PCDH15: variants seen among roughly 807,000 people sequenced by gnomAD.
The protein encoded by PCDH15 is protocadherin-15.
PCDH15 carries 129 observed loss-of-function variants against 178.5 expected under a neutral mutation model. The ratio of observed to expected loss-of-function variants is 0.72; its 90% CI spans 0.63 to 0.84. The LOEUF is 0.84. Among genes scored for constraint, PCDH15 ranks in the 40% least tolerant of loss-of-function variants. The pLI is 0.00. For missense variants in PCDH15, 2,230 were observed against 2,099.9 expected, an observed-to-expected ratio of 1.06 and a Z score of -1.21; for synonymous variants, 800 against 732.0, an observed-to-expected ratio of 1.09 and a Z score of -1.50.
At chr10:55,033,337 A>C (rs1840657224) in intron 2 of PCDH15, among the ~76,000 whole-genome samples, 1 of 152,110 alleles carries the variant, frequency 6.6e-6, no homozygotes, top group African/African-American at 2.4e-5. Context: ...ATGAGAGCTG[A>C]AGGGAGCTGT....
At chr10:54,540,699 C>T (rs61853602) in intron 2 of PCDH15, among the ~76,000 whole-genome samples, 13,803 of 152,068 alleles carry the variant, frequency 0.091, 667 homozygotes, top group Non-Finnish European at 0.11. Flanking sequence ...GTTAAAGACA[C>T]AAGGAACAAA....
At chr10:54,855,904 T>C (rs1953733374) in intron 3 of PCDH15, among the ~76,000 whole-genome samples, 1 of 152,152 alleles carries the variant, frequency 6.6e-6, no homozygotes, top group Non-Finnish European at 1.5e-5. Flanking sequence ...TATGCTTGGT[T>C]TAGATACATT....
At chr10:54,281,762 T>A (rs2132733581) in intron 8 of PCDH15, among the ~76,000 whole-genome samples, 1 of 152,126 alleles carries the variant, frequency 6.6e-6, no homozygotes, top group African/African-American at 2.4e-5. Flanking sequence ...TAAAAGAGAC[T>A]AATAAATATG....
At chr10:55,608,268 G>A (rs996889580) in intron 2 of PCDH15, among the ~76,000 whole-genome samples, 2 of 150,988 alleles carry the variant, frequency 1.3e-5, no homozygotes, top group Non-Finnish European at 3.0e-5. Flanking sequence ...GGAAGAGACA[G>A]GGAAGAGATA....
At chr10:55,514,900 T>C (rs540262460) in intron 2 of PCDH15, among the ~76,000 whole-genome samples, 8 of 151,606 alleles carry the variant, frequency 5.3e-5, no homozygotes, top group African/African-American at 9.7e-5. Flanking sequence ...AGGTGGACAA[T>C]AGGACTGACA....
chr10:55,491,183 G>A (rs753590236), intron 2 of PCDH15, among the ~76,000 whole-genome samples: 3 of 151,606 alleles, frequency 2.0e-5, no homozygotes, highest in Admixed American at 6.6e-5. Context: ...TTACAGGAAC[G>A]TGTGGTCAAG....
chr10:53,948,246 TG>T (rs1458241849), intron 23 of PCDH15, among the ~76,000 whole-genome samples: 1 of 151,888 alleles, frequency 6.6e-6, no homozygotes, highest in Non-Finnish European at 1.5e-5. Flanking sequence ...ATAAATTATA[TG>T]GTCTTACCTA....
intron 2 of PCDH15, among the ~76,000 whole-genome samples, chr10:55,434,072 C>CTTTTT (rs1316162910): frequency 1.2e-5 from 1 of 84,008 alleles, no homozygotes; most frequent in African/African-American, 5.4e-5. Flanking sequence ...TTTTTCTTTT[C>CTTTTT]TTTTCTTTTT....
At chr10:55,467,046 T>C (rs928838613) in intron 2 of PCDH15, among the ~76,000 whole-genome samples, 1 of 152,202 alleles carries the variant, frequency 6.6e-6, no homozygotes, top group East Asian at 1.9e-4. Flanking sequence ...TGCTCAAGTT[T>C]AGTTATTTAT....
intron 6 of PCDH15, among the ~76,000 whole-genome samples, chr10:54,341,391 G>A (rs1478727571): frequency 6.6e-6 from 1 of 152,148 alleles, no homozygotes; most frequent in African/African-American, 2.4e-5. Flanking sequence ...CCTGCTGCAT[G>A]TAAGATACAC....
intron 1 of PCDH15, among the ~76,000 whole-genome samples, chr10:55,293,740 C>T (rs1018100348): frequency 6.6e-6 from 1 of 152,208 alleles, no homozygotes; most frequent in Non-Finnish European, 1.5e-5. Context: ...TCATCTTCAT[C>T]TGTGACCACT....
intron 2 of PCDH15, among the ~76,000 whole-genome samples, chr10:55,474,196 A>C (rs1328578751): frequency 6.6e-6 from 1 of 152,196 alleles, no homozygotes; most frequent in African/African-American, 2.4e-5. Flanking sequence ...AACTATAAGA[A>C]ATATATAGGA....
intron 3 of PCDH15, among the ~76,000 whole-genome samples, chr10:54,474,995 C>T (rs12763909): frequency 1.3e-5 from 2 of 151,890 alleles, no homozygotes; most frequent in African/African-American, 4.8e-5. Flanking sequence ...TTAGCCTATT[C>T]TGATATGTTT....
chr10:55,375,740 C>T (rs925763233), intron 2 of PCDH15, among the ~76,000 whole-genome samples: 4 of 152,086 alleles, frequency 2.6e-5, no homozygotes, highest in Admixed American at 6.6e-5. Flanking sequence ...TGTTCACTTG[C>T]TTAATAAGCC....
In PCDH15 at chr10:53,919,453, A is replaced by C. The variant is rs190998099; in HGVS notation, c.3374-16083T>G. Among the ~76,000 whole-genome samples, 7 of 152,320 alleles carry C rather than the reference A, an allele frequency of 4.6e-5. No individual in the cohort carries two copies. The East Asian group carries it at 1.3e-3, about 29-fold the overall frequency. ...GACAGAAAGCTTTAATGGTAATACTAATCACTGAGAAGTTTCTGGACCAAG... is the reference window on the plus strand; with the variant it reads ...GACAGAAAGCTTTAATGGTAATACTCATCACTGAGAAGTTTCTGGACCAAG... On this transcript the variant is annotated intron_variant, in intron 25 of 37. Coordinates refer to ENST00000644397, the MANE Select transcript of PCDH15 (RefSeq NM_001384140.1).
At chr10:55,179,902 G>A (rs1354935108) in intron 1 of PCDH15, among the ~76,000 whole-genome samples, 8 of 152,050 alleles carry the variant, frequency 5.3e-5, no homozygotes, top group African/African-American at 1.9e-4. Flanking sequence ...ACCTGCAACA[G>A]TAGCAGTAAG....
intron 3 of PCDH15, among the ~76,000 whole-genome samples, chr10:54,486,530 G>C (rs1469083952): frequency 6.6e-6 from 1 of 151,830 alleles, no homozygotes; most frequent in African/African-American, 2.4e-5. Flanking sequence ...GAGGCTACTA[G>C]TTATTCCCAA....
chr10:53,904,394 C>A (rs539910749), intron 25 of PCDH15, among the ~76,000 whole-genome samples: 1 of 151,476 alleles, frequency 6.6e-6, no homozygotes, highest in African/African-American at 2.4e-5. Context: ...CAGGATACAT[C>A]ATGGGTATAC....
At chr10:54,613,163 G>A (rs2093017167) in intron 2 of PCDH15, among the ~76,000 whole-genome samples, 1 of 151,808 alleles carries the variant, frequency 6.6e-6, no homozygotes, top group South Asian at 2.1e-4. Context: ...ACGCTTTAGA[G>A]AGTGAAAGAG....
Sources: gnomAD v4.1 joint callset for allele counts (sites outside exome capture counted in the v4.1 genomes callset) on GRCh38, gnomAD v4.1.1 for gene constraint, MANE v1.5 for transcripts, NCBI Gene and HGNC (gene_info 2026-07-23, HGNC 2026-07-21) for gene names.